CFAP107: variants seen among roughly 807,000 people sequenced by gnomAD.
CFAP107 encodes the protein cilia- and flagella-associated protein 107.
chr1:12,760,728 T>C, the CFAP107 span: 3 of 1,583,948 alleles, frequency 1.9e-6, no homozygotes, highest in Non-Finnish European at 2.6e-6. Flanking sequence ...GCAAGACTCC[T>C]TCTGTAAGCC....
chr1:12,751,329 A>G, the CFAP107 span, among the ~76,000 whole-genome samples: 1 of 152,150 alleles, frequency 6.6e-6, no homozygotes, highest in Non-Finnish European at 1.5e-5. Flanking sequence ...AGAAAAAATC[A>G]ATAAAACCGA....
chr1:12,748,461 T>TAA, the CFAP107 span, among the ~76,000 whole-genome samples: 474 of 122,016 alleles, frequency 3.9e-3, 2 homozygotes, highest in African/African-American at 0.013. Context: ...GTAGGGGAAT[T>TAA]AAAAAAAAAA....
At chr1:12,757,156 G>A in the CFAP107 span, among the ~76,000 whole-genome samples, 1 of 152,132 alleles carries the variant, frequency 6.6e-6, no homozygotes. Context: ...TGTATGTGAG[G>A]TATTGACCCT....
At chr1:12,761,466 A>G in the CFAP107 span, 1 of 152,220 alleles carries the variant, frequency 6.6e-6, no homozygotes, top group Non-Finnish European at 1.5e-5. Flanking sequence ...CTCTGGCCCC[A>G]CGGGGCTCAG....
At chr1:12,757,116 G>A in the CFAP107 span, among the ~76,000 whole-genome samples, 1 of 152,160 alleles carries the variant, frequency 6.6e-6, no homozygotes, top group African/African-American at 2.4e-5. Flanking sequence ...TAGAACCCAG[G>A]ATCTGGGGCT....
At chr1:12,751,103 A>G in the CFAP107 span, among the ~76,000 whole-genome samples, 1 of 152,194 alleles carries the variant, frequency 6.6e-6, no homozygotes, top group Non-Finnish European at 1.5e-5. Flanking sequence ...TGAAAATACA[A>G]CATACCAAAA....
At chr1:12,747,624 G>A in the CFAP107 span, among the ~76,000 whole-genome samples, 1 of 152,196 alleles carries the variant, frequency 6.6e-6, no homozygotes, top group Admixed American at 6.5e-5. Context: ...GGGAAAAGAA[G>A]GGAAGGTTAA....
At chr1:12,748,515 A>G in the CFAP107 span, among the ~76,000 whole-genome samples, 4 of 152,008 alleles carry the variant, frequency 2.6e-5, no homozygotes, top group South Asian at 8.3e-4. Context: ...TACACCAGAA[A>G]AGAGTTGAGA....
At chr1:12,746,559 G>T in the CFAP107 span, 16 of 1,571,264 alleles carry the variant, frequency 1.0e-5, no homozygotes, top group South Asian at 1.3e-4. Flanking sequence ...AACGAGAGAG[G>T]TTGGAGAGAG....
the CFAP107 span, among the ~76,000 whole-genome samples, chr1:12,750,327 C>A: frequency 4.6e-5 from 7 of 152,140 alleles, no homozygotes; most frequent in Admixed American, 2.0e-4. Flanking sequence ...GGGCAAAAAT[C>A]TACAAGACAT....
chr1:12,759,837 T>C, the CFAP107 span, among the ~76,000 whole-genome samples: 1 of 152,104 alleles, frequency 6.6e-6, no homozygotes, highest in Non-Finnish European at 1.5e-5. Context: ...GCTGCAATGA[T>C]AACAAACACT....
the CFAP107 span, among the ~76,000 whole-genome samples, chr1:12,757,236 C>T: frequency 6.6e-6 from 1 of 152,154 alleles, no homozygotes; most frequent in Non-Finnish European, 1.5e-5. Context: ...AAGAGTTTAA[C>T]ATACAGTCTG....
the CFAP107 span, among the ~76,000 whole-genome samples, chr1:12,749,254 AAG>A: frequency 6.6e-6 from 1 of 152,204 alleles, no homozygotes; most frequent in African/African-American, 2.4e-5. Flanking sequence ...CCCAAAAACA[AAG>A]AGAGAATCTT....
the CFAP107 span, chr1:12,753,312 A>G: frequency 6.6e-5 from 10 of 152,166 alleles, no homozygotes; most frequent in Admixed American, 5.2e-4. Context: ...TACAGATTCA[A>G]TGCAATCATT....
the CFAP107 span, chr1:12,746,508 G>T: frequency 6.2e-7 from 1 of 1,613,570 alleles, no homozygotes; most frequent in Non-Finnish European, 8.5e-7. Context: ...CAACGAAAGT[G>T]CTCACTGGAA....
At chr1:12,755,770 G>A in the CFAP107 span, 2 of 1,613,766 alleles carry the variant, frequency 1.2e-6, no homozygotes, top group Non-Finnish European at 1.7e-6. Flanking sequence ...CCAGACCACA[G>A]ACCAGACCAG....
At chr1:12,746,413 C>G in the CFAP107 span, 6 of 1,601,516 alleles carry the variant, frequency 3.7e-6, no homozygotes, top group Non-Finnish European at 5.1e-6. Flanking sequence ...TCAAAGAAAC[C>G]TGGGGCAAAT....
At chr1:12,750,511 G>A in the CFAP107 span, among the ~76,000 whole-genome samples, 157 of 152,320 alleles carry the variant, frequency 1.0e-3, no homozygotes, top group African/African-American at 3.6e-3. Context: ...AAGTACACAT[G>A]TAAGTTGAAA....
At chr1:12,747,779 A>C in the CFAP107 span, among the ~76,000 whole-genome samples, 1 of 152,186 alleles carries the variant, frequency 6.6e-6, no homozygotes, top group Non-Finnish European at 1.5e-5. Context: ...GGACTGGTTG[A>C]AAATACCTTC....
Sources: gnomAD v4.1 joint callset for allele counts (sites outside exome capture counted in the v4.1 genomes callset) on GRCh38, gnomAD v4.1.1 for gene constraint, MANE v1.5 for transcripts, NCBI Gene and HGNC (gene_info 2026-07-23, HGNC 2026-07-21) for gene names.